FETUB: variants seen among roughly 807,000 people sequenced by gnomAD.
FETUB encodes the protein fetuin-B.
FETUB carries 28 observed loss-of-function variants against 30.9 expected under a neutral mutation model. That is an observed-to-expected ratio of 0.90 (90% CI 0.67 to 1.24). FETUB has a LOEUF of 1.24. Among genes scored for constraint, FETUB ranks in the 50% most tolerant of loss-of-function variants. FETUB has a pLI of 0.00. For synonymous variants in FETUB, 186 were observed against 175.9 expected, an observed-to-expected ratio of 1.06 and a Z score of -0.45; for missense variants, 469 against 455.3, an observed-to-expected ratio of 1.03 and a Z score of -0.27.
intron 6 of FETUB, chr3:186,651,860 T>A: frequency 5.9e-6 from 1 of 170,526 alleles, no homozygotes; most frequent in Non-Finnish European, 1.3e-5. Flanking sequence ...CGACACTGCA[T>A]CATTCAGATC....
intron 6 of FETUB, among the ~76,000 whole-genome samples, chr3:186,652,035 G>C (rs763954025): frequency 6.6e-6 from 1 of 152,134 alleles, no homozygotes; most frequent in Non-Finnish European, 1.5e-5. Context: ...CCATTATTCA[G>C]CTCTGAAATT....
At chr3:186,640,822 T>C in intron 1 of FETUB, 137 bp downstream of exon 1, 1 of 767,856 alleles carries the variant, frequency 1.3e-6, no homozygotes. Context: ...TGTTCTCCTC[T>C]GCCAGGGTCA....
chr3:186,646,237 T>C lies in FETUB; in HGVS notation c.595-11T>C, dbSNP rs772479748. 3 of 1,593,802 alleles carry C rather than the reference T, an allele frequency of 1.9e-6. No individual in the cohort carries two copies. The Admixed American group carries it at 5.0e-5, about 27-fold the overall frequency. ...TTTGATTTTTATGTCTCAACTCTTGTCTCATAACAGTGGGTGGTCGGCCCT... is the reference window on the plus strand; with the variant it reads ...TTTGATTTTTATGTCTCAACTCTTGCCTCATAACAGTGGGTGGTCGGCCCT... On this transcript the variant is annotated splice_polypyrimidine_tract_variant and intron_variant, in intron 4 of 6. Coordinates refer to ENST00000265029, the MANE Select transcript of FETUB (RefSeq NM_014375.3).
At chr3:186,651,973 A>C in intron 6 of FETUB, 2 of 220,946 alleles carry the variant, frequency 9.1e-6, no homozygotes, top group African/African-American at 2.3e-5. Context: ...ACTACTGGGA[A>C]CAGAAAGAGA....
At chr3:186,647,998 A>C (rs549725201) in intron 5 of FETUB, among the ~76,000 whole-genome samples, 53 of 152,262 alleles carry the variant, frequency 3.5e-4, no homozygotes, top group Non-Finnish European at 5.4e-4. Context: ...ACAACAACAA[A>C]AAAATAGGAA....
At chr3:186,637,165 G>T (rs1716800756), upstream of FETUB, among the ~76,000 whole-genome samples, 1 of 152,186 alleles carries the variant, frequency 6.6e-6, no homozygotes, top group African/African-American at 2.4e-5. Flanking sequence ...TTTAGCACAG[G>T]GCTGGGCACA....
At chr3:186,639,449 G>C (rs1716879370), upstream of FETUB, among the ~76,000 whole-genome samples, 1 of 152,198 alleles carries the variant, frequency 6.6e-6, no homozygotes, top group Non-Finnish European at 1.5e-5. Flanking sequence ...AGAGAGTTAG[G>C]GGGTGGTTAC....
At chr3:186,645,217 G>C (rs1176049043) in intron 4 of FETUB, among the ~76,000 whole-genome samples, 1 of 152,102 alleles carries the variant, frequency 6.6e-6, no homozygotes, top group Non-Finnish European at 1.5e-5. Context: ...ACCACTCACT[G>C]CTGTATTCTC....
chr3:186,640,959 T>C, intron 1 of FETUB, 71 bp from the exon 2 acceptor site: 2 of 987,306 alleles, frequency 2.0e-6, no homozygotes, highest in Non-Finnish European at 3.2e-6. Context: ...AAAGCAGGGG[T>C]TTTTTTGTGT....
intron 1 of FETUB, 115 bp from the exon 2 acceptor site, chr3:186,640,915 G>A: frequency 4.2e-6 from 3 of 717,544 alleles, no homozygotes; most frequent in Non-Finnish European, 7.2e-6. Flanking sequence ...ATGGTTTACG[G>A]GGAATCTTCA....
upstream of FETUB, among the ~76,000 whole-genome samples, chr3:186,638,996 C>T (rs1012417086): frequency 7.2e-5 from 11 of 152,216 alleles, no homozygotes; most frequent in Non-Finnish European, 1.3e-4. Flanking sequence ...TCCTCAAAAA[C>T]TATTTCTCTC....
chr3:186,640,114 A>G (rs1716917169), upstream of FETUB, among the ~76,000 whole-genome samples: 1 of 152,166 alleles, frequency 6.6e-6, no homozygotes, highest in South Asian at 2.1e-4. Flanking sequence ...AGAGGGGGAG[A>G]ATGGGACAGT....
At chr3:186,651,493 T>G in intron 6 of FETUB, 192 bp downstream of exon 6, 1 of 572,648 alleles carries the variant, frequency 1.7e-6, no homozygotes, top group Non-Finnish European at 3.1e-6. Context: ...CGCAATATGG[T>G]CCTGCAGAAT....
intron 6 of FETUB, 137 bp downstream of exon 6, chr3:186,651,438 A>G (rs978102718): frequency 1.5e-6 from 1 of 663,660 alleles, no homozygotes; most frequent in Non-Finnish European, 2.7e-6. Flanking sequence ...CTGAGTCCAC[A>G]TCCACAGGAT....
Position 186,652,512 on chromosome 3 carries a change from C to G in FETUB, c.1030C>G (p.Leu344Val), listed in dbSNP as rs148071644. The G allele has an allele frequency of 3.7e-6, 6 of 1,614,078 alleles. No individual in the cohort carries two copies. Among genetic ancestry groups the G allele is most frequent in the African/African-American group, 1.3e-5 (1 of 74,922 alleles). The change falls in exon 7 of 7, where the codon CTC (leucine) becomes GTC (valine). Residue 344 changes from leucine to valine, a missense_variant. Physicochemically the swap from Leu to Val is conservative, Grantham distance 32. Transcript: ENST00000265029. Reference protein sequence around the residue: ...PQGETLDISFLFLEPMEEKLV... With the variant: ...PQGETLDISFVFLEPMEEKLV... ...GGGAGAAACCCTGGATATTTCCTTC[C>G]TCTTCCTGGAGCCTATGGAGGAGAA...
chr3:186,640,301 AG>A, upstream of FETUB: 1 of 647,766 alleles, frequency 1.5e-6, no homozygotes, highest in Non-Finnish European at 2.8e-6. Flanking sequence ...TGCTATCCAA[AG>A]TACTGACTTA....
chr3:186,639,442 G>A (rs1172748310), upstream of FETUB, among the ~76,000 whole-genome samples: 3 of 152,172 alleles, frequency 2.0e-5, no homozygotes, highest in African/African-American at 7.2e-5. Flanking sequence ...AGTAGGGAGA[G>A]AGTTAGGGGG....
Position 186,652,441 on chromosome 3 carries a change from C to T in FETUB, c.959C>T (p.Pro320Leu), listed in dbSNP as rs1227626236. 1 of 1,614,018 alleles carries T rather than the reference C, an allele frequency of 6.2e-7. No homozygotes were observed. The highest frequency in any genetic ancestry group is 8.5e-7 in the Non-Finnish European group (1 of 1,179,990). Residue 320 changes from proline (P) to leucine (L), a missense_variant, in exon 7 of 7, where the codon CCT (proline) becomes CTT (leucine). Transcript: ENST00000265029. ...LDDKNSQEKG[P>L]QEAFPVHLDL... Reference sequence around the variant, plus strand: ...GATAAAAATTCCCAGGAAAAGGGCCCTCAGGAGGCCTTTCCTGTGCATCTG... The same window carrying T: ...GATAAAAATTCCCAGGAAAAGGGCCTTCAGGAGGCCTTTCCTGTGCATCTG...
In FETUB at chr3:186,642,537, T is replaced by TA. The variant is rs1717156499; in HGVS notation, c.404dup (p.Tyr135Ter). The stretch of plus-strand genomic sequence containing the variant: ...AAGTAGAGTTCTCTATTTAGCTGCT[T>TA]ATAACTGTACTCTTCGCCCAGGTAA... ...NPSRVLYLAA[Y>*]NCTLRPVSKK... Residue 135 changes from tyrosine (Y) to a stop codon, truncating the protein, a stop_gained and frameshift_variant, in exon 3 of 7, where the codon TAT (tyrosine) becomes TAAT (stop). Transcript: ENST00000265029. LOFTEE classifies it high-confidence loss of function. The TA allele has an allele frequency of 6.2e-7, 1 of 1,602,970 alleles. No homozygotes were observed. The highest frequency in any genetic ancestry group is 8.5e-7 in the Non-Finnish European group (1 of 1,170,570).
Sources: gnomAD v4.1 joint callset for allele counts (sites outside exome capture counted in the v4.1 genomes callset) on GRCh38, gnomAD v4.1.1 for gene constraint, MANE v1.5 for transcripts, NCBI Gene and HGNC (gene_info 2026-07-23, HGNC 2026-07-21) for gene names.